CAMTA1: variants seen among roughly 807,000 people sequenced by gnomAD.
CAMTA1 encodes the protein calmodulin-binding transcription activator 1.
In CAMTA1, 27 loss-of-function variants were observed where a neutral mutation model predicts 170.9. That is an observed-to-expected ratio of 0.16 (90% confidence interval 0.12 to 0.22). The LOEUF is 0.22. Among genes scored for constraint, CAMTA1 ranks in the 10% least tolerant of loss-of-function variants. The pLI, the probability that CAMTA1 is intolerant of heterozygous loss-of-function variation, is 1.00. For synonymous variants in CAMTA1, 833 were observed against 891.5 expected, an observed-to-expected ratio of 0.93 and a Z score of 1.17; for missense variants, 1,619 against 2,217.2, an observed-to-expected ratio of 0.73 and a Z score of 5.42.
chr1:7,175,668 G>A (rs961260575), intron 4 of CAMTA1, among the ~76,000 whole-genome samples: 1 of 152,236 alleles, frequency 6.6e-6, no homozygotes, highest in Non-Finnish European at 1.5e-5. Context: ...CGCTTGAAGC[G>A]GGGTATCCCC....
rs554040581 is a variant in CAMTA1, at chr1:6,901,065, A to G, written c.234+75855A>G. Among the ~76,000 whole-genome samples the G allele has an allele frequency of 1.7e-4, 26 of 151,934 alleles. 2 individuals are homozygous for G. The South Asian group carries it at 5.4e-3, about 32-fold the overall frequency. On this transcript the variant is annotated intron_variant, in intron 3 of 22. Coordinates refer to ENST00000303635, the MANE Select transcript of CAMTA1 (RefSeq NM_015215.4). ...TGGACATATAAATCAATGGAACCAA[A>G]TAGGGAATCCAGAAACAGATCCACA... is the stretch of plus-strand genomic sequence containing the variant.
At position 7,063,251 on chromosome 1, in the gene CAMTA1, A is replaced by C. The variant is rs1249838115; in HGVS notation, c.235-28053A>C. Among the ~76,000 whole-genome samples the C allele has an allele frequency of 6.6e-6, 1 of 152,196 alleles. No homozygotes were observed. The highest frequency in any genetic ancestry group is 2.4e-5 in the African/African-American group (1 of 41,456). On this transcript the variant is annotated intron_variant, in intron 3 of 22. Transcript: ENST00000303635. This position sits in a 1 kb window ranked among gnomAD's most constrained non-coding sequence, Gnocchi z 4.3. ...TTCTTCACCCCCTAACATCAGGTCAAATCCGGCCTAGAATTCCTAGTGGAA... is the reference window on the plus strand; with the variant it reads ...TTCTTCACCCCCTAACATCAGGTCACATCCGGCCTAGAATTCCTAGTGGAA...
Position 7,749,853 on chromosome 1 carries a change from T to A in CAMTA1, c.4690-1346T>A. The A allele has an allele frequency of 6.6e-6, 3 of 453,972 alleles. No homozygotes were observed. The Admixed American group carries it at 7.2e-5, about 11-fold the overall frequency. 28.1% of individuals were successfully genotyped at this position (453,972 alleles called of 1,614,324 possible). ...ACCAGAGTCACAAACTTCACACCCA[T>A]CACCAGCTACAGGGAGGGCCATTAA... On this transcript the variant is annotated intron_variant, in intron 19 of 22. Coordinates refer to ENST00000303635, the MANE Select transcript of CAMTA1 (RefSeq NM_015215.4).
intron 6 of CAMTA1, among the ~76,000 whole-genome samples, chr1:7,566,472 C>T (rs532531601): frequency 1.3e-5 from 2 of 152,210 alleles, no homozygotes; most frequent in Non-Finnish European, 2.9e-5. Flanking sequence ...CAGCCCAGCC[C>T]CTCAAACTTC....
chr1:6,906,649 G>A (rs1291801909), intron 3 of CAMTA1, among the ~76,000 whole-genome samples: 1 of 152,198 alleles, frequency 6.6e-6, no homozygotes, highest in Non-Finnish European at 1.5e-5. Flanking sequence ...GCAAATTGGA[G>A]CAACAGGAGC....
intron 11 of CAMTA1, among the ~76,000 whole-genome samples, chr1:7,679,970 C>T (rs1293101210): frequency 6.6e-6 from 1 of 152,204 alleles, no homozygotes; most frequent in Non-Finnish European, 1.5e-5. Context: ...AGCGGGTCTT[C>T]CCTGGCTATT....
intron 4 of CAMTA1, among the ~76,000 whole-genome samples, chr1:7,222,912 C>T (rs534547478): frequency 6.6e-6 from 1 of 152,226 alleles, no homozygotes; most frequent in Non-Finnish European, 1.5e-5. Context: ...TGTGAGGATC[C>T]GGGGTGATGC....
At chr1:6,801,914 A>C (rs1643894277) in intron 1 of CAMTA1, among the ~76,000 whole-genome samples, 1 of 152,160 alleles carries the variant, frequency 6.6e-6, no homozygotes, top group African/African-American at 2.4e-5. Flanking sequence ...TATATTTGTA[A>C]AGAGGATTGG....
chr1:7,522,041 G>A (rs748756885), intron 6 of CAMTA1, among the ~76,000 whole-genome samples: 24 of 152,194 alleles, frequency 1.6e-4, no homozygotes, highest in Non-Finnish European at 3.2e-4. Context: ...CAATTGCTGG[G>A]TCCTGTGGTA....
In CAMTA1 at chr1:7,471,188, T is replaced by G. The variant is rs918308493; in HGVS notation, c.510+3287T>G. Among the ~76,000 whole-genome samples the G allele has an allele frequency of 3.9e-5, 6 of 152,218 alleles. 1 individual carries two copies. In the South Asian group the frequency reaches 1.2e-3, roughly 32 times the overall value. Reference sequence around the variant, plus strand: ...CTGTCTGTGTCTGTCTGTCTGTCTTTCAGGCTCTCTGTCTCTCTCTGCGTC... The same window carrying G: ...CTGTCTGTGTCTGTCTGTCTGTCTTGCAGGCTCTCTGTCTCTCTCTGCGTC... On this transcript the variant is annotated intron_variant, in intron 6 of 22. Coordinates refer to ENST00000303635, the MANE Select transcript of CAMTA1 (RefSeq NM_015215.4).
At chr1:7,462,986 C>G (rs1045079657) in intron 5 of CAMTA1, among the ~76,000 whole-genome samples, 1 of 152,224 alleles carries the variant, frequency 6.6e-6, no homozygotes, top group African/African-American at 2.4e-5. Flanking sequence ...GGAGGGGGAC[C>G]TGAGCTGGAC....
chr1:7,256,746 G>A (rs1182326479), intron 5 of CAMTA1, among the ~76,000 whole-genome samples: 1 of 152,170 alleles, frequency 6.6e-6, no homozygotes, highest in Non-Finnish European at 1.5e-5. Flanking sequence ...GGTTCTAGAG[G>A]CTGGGAAGTT....
rs3222190 is a variant in CAMTA1, at chr1:7,547,348, G to GCACACACACACA, written c.510+79478_510+79489dup. Among the ~76,000 whole-genome samples the GCACACACACACA allele has an allele frequency of 2.1e-5, 3 of 144,006 alleles. No homozygotes were observed. Among genetic ancestry groups the GCACACACACACA allele is most frequent in the African/African-American group, 7.9e-5 (3 of 38,196 alleles). 94.5% of individuals were successfully genotyped at this position (144,006 alleles called of 152,430 possible). A position where few individuals can be genotyped will look rare whatever the true frequency, so the allele number is the denominator to read the frequency against. On this transcript the variant is annotated intron_variant, in intron 6 of 22. Transcript: ENST00000303635. The surrounding 1 kb of genome is among the most constrained non-coding windows in gnomAD (Gnocchi z 5.7). ...GAGCTGGGGAATATATGTATCATAT[G>GCACACACACACA]CACACACACACACACACACACACAC...
At chr1:6,869,651 A>G (rs1404538970) in intron 3 of CAMTA1, among the ~76,000 whole-genome samples, 1 of 152,196 alleles carries the variant, frequency 6.6e-6, no homozygotes, top group Non-Finnish European at 1.5e-5. Context: ...CATGTAGAAA[A>G]CATTAGCTAA....
intron 3 of CAMTA1, among the ~76,000 whole-genome samples, chr1:6,850,390 G>T (rs887997713): frequency 1.3e-5 from 2 of 152,164 alleles, no homozygotes; most frequent in Non-Finnish European, 2.9e-5. Flanking sequence ...AAGGTTTCTG[G>T]TTAAGTAGGA....
chr1:7,258,499 A>G (rs1293613184), intron 5 of CAMTA1, among the ~76,000 whole-genome samples: 2 of 152,212 alleles, frequency 1.3e-5, no homozygotes, highest in Admixed American at 1.3e-4. Flanking sequence ...ACCAAGGGCC[A>G]TTCTCTGTTT....
At position 7,590,263 on chromosome 1, in the gene CAMTA1, C is replaced by T. The variant is rs140006218; in HGVS notation, c.511-50137C>T. On this transcript the variant is annotated intron_variant, in intron 6 of 22. Coordinates refer to ENST00000303635, the MANE Select transcript of CAMTA1 (RefSeq NM_015215.4). ...AAGGCCCTGCTGCTGCTATGAGTCC[C>T]TGGCCAGGGCTGATCCTGAGCCTCT... 3.3e-5 allele frequency among the ~76,000 whole-genome samples: 5 copies of T among 152,326 alleles called. No individual in the cohort carries two copies. The East Asian group carries it at 9.7e-4, about 29-fold the overall frequency.
chr1:7,661,230 C>A (rs2095954027), intron 7 of CAMTA1, among the ~76,000 whole-genome samples: 1 of 95,548 alleles, frequency 1.0e-5, no homozygotes, highest in South Asian at 2.5e-4. Context: ...GAGTCTTACC[C>A]CCCAGGGTGG....
intron 1 of CAMTA1, among the ~76,000 whole-genome samples, chr1:6,799,668 G>A (rs1643428891): frequency 6.6e-6 from 1 of 152,126 alleles, no homozygotes; most frequent in South Asian, 2.1e-4. Context: ...GACCTCGAAA[G>A]TTCCTTCCCA....
Sources: allele counts gnomAD v4.1 joint callset (sites outside exome capture counted in the v4.1 genomes callset), GRCh38; gene constraint gnomAD v4.1.1; non-coding constraint Gnocchi (gnomAD v3.1); transcripts MANE v1.5; gene names NCBI Gene and HGNC (gene_info 2026-07-23, HGNC 2026-07-21).